The following AGMO variants were observed in gnomAD, a reference collection of about 807,000 sequenced individuals.
AGMO encodes alkylglycerol monooxygenase.
In AGMO, 75 loss-of-function variants were observed where a neutral mutation model predicts 60.2. The ratio of observed to expected loss-of-function variants is 1.25; its 90% CI spans 1.03 to 1.51. The LOEUF (loss-of-function observed/expected upper bound fraction) is 1.51. AGMO is among the 40% of genes most tolerant of loss of function. The pLI, the probability that AGMO is intolerant of heterozygous loss-of-function variation, is 0.00. For synonymous variants in AGMO, 261 were observed against 177.1 expected, an observed-to-expected ratio of 1.47 and a Z score of -3.76; for missense variants, 763 against 525.5, an observed-to-expected ratio of 1.45 and a Z score of -4.42.
the AGMO span, among the ~76,000 whole-genome samples, chr7:15,168,432 C>G: frequency 6.6e-6 from 1 of 152,182 alleles, no homozygotes. Context: ...GCCCTAAGCT[C>G]ACAAATTTTA....
At chr7:15,129,670 C>T in the AGMO span, among the ~76,000 whole-genome samples, 1 of 152,048 alleles carries the variant, frequency 6.6e-6, no homozygotes, top group African/African-American at 2.4e-5. Flanking sequence ...GAAGTATTTT[C>T]CCTTAGGGGT....
the AGMO span, among the ~76,000 whole-genome samples, chr7:15,178,415 A>C: frequency 1.3e-5 from 2 of 152,052 alleles, no homozygotes; most frequent in Admixed American, 6.6e-5. Context: ...TTTACTGCAT[A>C]ATCTGTCTTT....
the AGMO span, among the ~76,000 whole-genome samples, chr7:15,129,386 G>A: frequency 6.6e-6 from 1 of 152,028 alleles, no homozygotes; most frequent in Non-Finnish European, 1.5e-5. Flanking sequence ...ACATGTATAG[G>A]AAATCAGAAA....
chr7:15,467,591 C>T (rs1782328463), intron 3 of AGMO, among the ~76,000 whole-genome samples: 2 of 152,068 alleles, frequency 1.3e-5, no homozygotes, highest in Non-Finnish European at 2.9e-5. Context: ...TAGCAGGATT[C>T]CTGAAAATAT....
At chr7:15,190,459 A>G in the AGMO span, among the ~76,000 whole-genome samples, 2 of 152,050 alleles carry the variant, frequency 1.3e-5, no homozygotes, top group Non-Finnish European at 2.9e-5. Context: ...AGTGGAAAGA[A>G]TAAGGGAGGT....
At chr7:15,443,312 G>T (rs1781612339) in intron 3 of AGMO, among the ~76,000 whole-genome samples, 1 of 152,118 alleles carries the variant, frequency 6.6e-6, no homozygotes. Context: ...TGCTGTCGTG[G>T]GGTTGGAGCC....
chr7:15,425,634 C>G (rs1781039241), intron 4 of AGMO, among the ~76,000 whole-genome samples: 1 of 151,932 alleles, frequency 6.6e-6, no homozygotes, highest in African/African-American at 2.4e-5. Context: ...GAGACAGCAT[C>G]TTGTGATATT....
intron 5 of AGMO, among the ~76,000 whole-genome samples, chr7:15,395,701 GA>G (rs1250931192): frequency 3.3e-5 from 5 of 152,142 alleles, no homozygotes; most frequent in African/African-American, 1.2e-4. Context: ...CTAATTTTAT[GA>G]ATGTTTGAAA....
intron 12 of AGMO, among the ~76,000 whole-genome samples, chr7:15,346,227 T>C (rs1208950008): frequency 6.6e-6 from 1 of 152,126 alleles, no homozygotes; most frequent in Admixed American, 6.6e-5. Context: ...GTAAACAATG[T>C]AATATAAGCA....
At chr7:15,298,665 G>C (rs1371050987) in intron 12 of AGMO, among the ~76,000 whole-genome samples, 1 of 152,084 alleles carries the variant, frequency 6.6e-6, no homozygotes, top group East Asian at 1.9e-4. Flanking sequence ...GCCTCCCAAA[G>C]TGCTGGAATT....
chr7:15,226,015 G>C (rs1782071246), intron 12 of AGMO, among the ~76,000 whole-genome samples: 1 of 151,928 alleles, frequency 6.6e-6, no homozygotes, highest in Non-Finnish European at 1.5e-5. Context: ...ATGATGTGTG[G>C]TTTCTCATTT....
intron 12 of AGMO, among the ~76,000 whole-genome samples, chr7:15,331,042 G>A (rs1468099451): frequency 6.6e-6 from 1 of 152,042 alleles, no homozygotes; most frequent in Non-Finnish European, 1.5e-5. Flanking sequence ...CTCTCTGGGG[G>A]AAGCTAGAAG....
intron 12 of AGMO, among the ~76,000 whole-genome samples, chr7:15,218,154 C>A (rs193016449): frequency 1.3e-5 from 2 of 151,726 alleles, no homozygotes; most frequent in Middle Eastern, 3.4e-3. Flanking sequence ...TTTCATATTC[C>A]AATGTGGAGA....
At chr7:15,444,125 G>A (rs183350282) in intron 3 of AGMO, among the ~76,000 whole-genome samples, 52 of 152,094 alleles carry the variant, frequency 3.4e-4, no homozygotes, top group African/African-American at 1.2e-3. Context: ...AGCATCTACC[G>A]TTGTTTTTTA....
rs1020810202 is a variant in AGMO, at chr7:15,483,906, C to T, written c.410-52798G>A. The stretch of plus-strand genomic sequence containing the variant: ...ATAAAAGTTAGAGAACCTAACCTAC[C>T]TAATATCCATACTTATTAAAATGCC... On this transcript the variant is annotated intron_variant, in intron 3 of 12. Coordinates refer to ENST00000342526, the MANE Select transcript of AGMO (RefSeq NM_001004320.2). Among the ~76,000 whole-genome samples the T allele has an allele frequency of 3.3e-5, 5 of 152,056 alleles. No homozygotes were observed. In the South Asian group the frequency reaches 8.3e-4, roughly 25 times the overall value.
intron 12 of AGMO, among the ~76,000 whole-genome samples, chr7:15,273,613 T>C (rs1417412682): frequency 6.6e-6 from 1 of 152,188 alleles, no homozygotes; most frequent in Non-Finnish European, 1.5e-5. Context: ...GGGCTCTTTT[T>C]TAGTTCCATA....
In AGMO at chr7:15,451,546, C is replaced by T. The variant is rs200190820; in HGVS notation, c.410-20438G>A. On this transcript the variant is annotated intron_variant, in intron 3 of 12. Coordinates refer to ENST00000342526, the MANE Select transcript of AGMO (RefSeq NM_001004320.2). ...GCTCACTGTATTCTTACATGGTGGA[C>T]GAGCAGACAAATTCCCTCAGGTCTC... is the stretch of plus-strand genomic sequence containing the variant. Among the ~76,000 whole-genome samples, 4 of 151,996 alleles carry T rather than the reference C, an allele frequency of 2.6e-5. No homozygotes were observed. The East Asian group carries it at 5.8e-4, about 22-fold the overall frequency.
the AGMO span, among the ~76,000 whole-genome samples, chr7:15,158,528 T>C: frequency 3.9e-5 from 6 of 152,224 alleles, no homozygotes; most frequent in Non-Finnish European, 7.3e-5. Context: ...TTTTCAGGTT[T>C]TGTTTTTTCC....
intron 3 of AGMO, among the ~76,000 whole-genome samples, chr7:15,497,447 T>G (rs1783262569): frequency 6.6e-6 from 1 of 152,060 alleles, no homozygotes; most frequent in South Asian, 2.1e-4. Flanking sequence ...TATTTTAAAT[T>G]TTATGGAATT....
Sources: gnomAD v4.1 joint callset for allele counts (sites outside exome capture counted in the v4.1 genomes callset) on GRCh38, gnomAD v4.1.1 for gene constraint, MANE v1.5 for transcripts, NCBI Gene and HGNC (gene_info 2026-07-23, HGNC 2026-07-21) for gene names.